Variants in MAMLD1 observed in about 807,000 individuals in gnomAD.
MAMLD1 encodes mastermind-like domain-containing protein 1.
Under a neutral mutation model 45.0 loss-of-function variants are expected in MAMLD1, and 14 were observed. That is an observed-to-expected ratio of 0.31 (90% CI 0.21 to 0.49). The LOEUF (loss-of-function observed/expected upper bound fraction) is 0.49, where lower values mean the gene tolerates loss of function less well. Ranked by LOEUF, MAMLD1 falls within the 20% of genes least tolerant of loss-of-function variation. The probability of loss-of-function intolerance (pLI) is 0.99; values close to 1 mark genes in which losing one functional copy is unlikely to be tolerated. For synonymous variants in MAMLD1, 254 were observed against 247.8 expected (o/e 1.02, Z -0.24); for missense variants, 543 against 603.6 (o/e 0.90, Z 1.05).
At chrX:150,418,088 G>A (rs1376166423) in intron 1 of MAMLD1, among the ~76,000 whole-genome samples, 1 of 111,112 alleles carries the variant, frequency 9.0e-6, no homozygotes, top group Non-Finnish European at 1.9e-5. Context: ...TTGGTTGGTA[G>A]GCTATTGATT....
chrX:150,501,934 G>A (rs981226214), intron 5 of MAMLD1, among the ~76,000 whole-genome samples: 1 of 112,125 alleles, frequency 8.9e-6, no homozygotes, highest in Non-Finnish European at 1.9e-5. Flanking sequence ...GCCACTAGTG[G>A]GCTGTATGAT....
At chrX:150,462,108 A>G (rs1310560587) in intron 2 of MAMLD1, among the ~76,000 whole-genome samples, 1 of 112,201 alleles carries the variant, frequency 8.9e-6, no homozygotes, top group Non-Finnish European at 1.9e-5. Flanking sequence ...CTTTGTCATC[A>G]GAAAATAGGA....
At chrX:150,483,895 C>A (rs1435295151) in intron 5 of MAMLD1, among the ~76,000 whole-genome samples, 1 of 112,429 alleles carries the variant, frequency 8.9e-6, no homozygotes, top group Non-Finnish European at 1.9e-5. Context: ...TTTCGAAATT[C>A]AGGCCACTCA....
intron 1 of MAMLD1, among the ~76,000 whole-genome samples, chrX:150,435,251 CACATCTGTAA>C (rs1557404237): frequency 2.7e-5 from 3 of 111,298 alleles, no homozygotes; most frequent in African/African-American, 9.8e-5. Flanking sequence ...CACGGTGGCT[CACATCTGTAA>C]TCCCAGCACT....
At chrX:150,511,467 G>A (rs192274941) in intron 7 of MAMLD1, among the ~76,000 whole-genome samples, 1 of 111,900 alleles carries the variant, frequency 8.9e-6, no homozygotes, top group East Asian at 2.8e-4. Context: ...TCTAGGCTAT[G>A]AGACAAGAGG....
chrX:150,430,600 T>C (rs1602776173), intron 1 of MAMLD1, among the ~76,000 whole-genome samples: 1 of 111,880 alleles, frequency 8.9e-6, no homozygotes, highest in African/African-American at 3.2e-5. Context: ...ACTTTTATAG[T>C]TTTATATTTT....
At chrX:150,392,635 GAAACC>G (rs781963772) in intron 1 of MAMLD1, among the ~76,000 whole-genome samples, 1 of 110,328 alleles carries the variant, frequency 9.1e-6, no homozygotes, top group Non-Finnish European at 1.9e-5. Flanking sequence ...TTGCTAGGCT[GAAACC>G]ACAGGAGAGG....
intron 1 of MAMLD1, among the ~76,000 whole-genome samples, chrX:150,366,330 A>T (rs2031445516): frequency 9.0e-6 from 1 of 111,578 alleles, no homozygotes; most frequent in South Asian, 3.8e-4. Context: ...ATGAAGCGTT[A>T]ACACCCTCAA....
chrX:150,489,062 A>G (rs782141664), intron 5 of MAMLD1, among the ~76,000 whole-genome samples: 4 of 112,550 alleles, frequency 3.6e-5, no homozygotes, highest in Non-Finnish European at 7.5e-5. Flanking sequence ...GAAGGAAAAT[A>G]ACAGAAAAAT....
In MAMLD1 at chrX:150,513,877, C is replaced by T. The variant is rs2037969094; in HGVS notation, c.*1918C>T. ...AGGCGAGCTGTTCCTGGTTTAAAGC[C>T]TTTCAGTATTTGTTTTGATGTAAGG... On this transcript the variant is annotated 3_prime_UTR_variant, in exon 8 of 8. Transcript: ENST00000370401. The T allele has an allele frequency of 3.4e-6, 1 of 296,115 alleles. No homozygotes were observed. Among genetic ancestry groups the T allele is most frequent in the African/African-American group, 2.7e-5 (1 of 36,463 alleles). 24.4% of individuals were successfully genotyped at this position (296,115 alleles called of 1,213,427 possible). A position where few individuals can be genotyped will look rare whatever the true frequency, so the allele number is the denominator to read the frequency against.
chrX:150,484,932 TC>T (rs782714586), intron 5 of MAMLD1, among the ~76,000 whole-genome samples: 46 of 111,445 alleles, frequency 4.1e-4, no homozygotes, highest in African/African-American at 1.3e-3. Flanking sequence ...ACTGTGATGT[TC>T]CCACTAACTC....
intron 3 of MAMLD1, among the ~76,000 whole-genome samples, chrX:150,468,029 A>G (rs1486071477): frequency 1.8e-5 from 2 of 112,464 alleles, no homozygotes; most frequent in African/African-American, 6.5e-5. Flanking sequence ...GGCAAGGCCA[A>G]GGTCAGAGCC....
chrX:150,466,827 C>G (rs948054332), intron 3 of MAMLD1, among the ~76,000 whole-genome samples: 1 of 111,631 alleles, frequency 9.0e-6, no homozygotes, highest in Non-Finnish European at 1.9e-5. Flanking sequence ...GTGGTCATGC[C>G]CTGCCTCCTC....
intron 7 of MAMLD1, among the ~76,000 whole-genome samples, chrX:150,510,275 C>T (rs1340035698): frequency 8.9e-6 from 1 of 112,072 alleles, no homozygotes; most frequent in Non-Finnish European, 1.9e-5. Context: ...GACTGATTTC[C>T]CTGAGTCAGG....
intron 1 of MAMLD1, among the ~76,000 whole-genome samples, chrX:150,440,712 T>A (rs2124590410): frequency 9.2e-6 from 1 of 108,604 alleles, no homozygotes; most frequent in Non-Finnish European, 1.9e-5. Context: ...AATCAGAGTA[T>A]TGGTAATTTG....
At chrX:150,401,044 T>C (rs2033730013) in intron 1 of MAMLD1, among the ~76,000 whole-genome samples, 1 of 111,538 alleles carries the variant, frequency 9.0e-6, no homozygotes, top group African/African-American at 3.3e-5. Flanking sequence ...AACCAGTTCC[T>C]CCTTGTACCT....
intron 1 of MAMLD1, among the ~76,000 whole-genome samples, chrX:150,422,789 AAGG>A (rs1159942094): frequency 8.9e-6 from 1 of 111,824 alleles, no homozygotes; most frequent in Admixed American, 9.5e-5. Flanking sequence ...TGCTATAAAA[AAGG>A]AGGAGAACAA....
chrX:150,484,996 C>T (rs2036941125), intron 5 of MAMLD1, among the ~76,000 whole-genome samples: 1 of 111,945 alleles, frequency 8.9e-6, no homozygotes, highest in African/African-American at 3.2e-5. Flanking sequence ...CCTCTGAACT[C>T]ATCACAGAGC....
At chrX:150,457,873 C>T (rs1487973098) in intron 2 of MAMLD1, among the ~76,000 whole-genome samples, 1 of 112,334 alleles carries the variant, frequency 8.9e-6, no homozygotes, top group African/African-American at 3.2e-5. Context: ...GTGATAGTTG[C>T]ACAACATTGT....
Sources: allele counts gnomAD v4.1 joint callset (sites outside exome capture counted in the v4.1 genomes callset), GRCh38; gene constraint gnomAD v4.1.1; transcripts MANE v1.5; gene names NCBI Gene and HGNC (gene_info 2026-07-23, HGNC 2026-07-21).